TEAD4: variants seen among roughly 807,000 people sequenced by gnomAD.
TEAD4 encodes the protein TEA domain transcription factor 4, also known as transcriptional enhancer factor TEF-3.
In TEAD4, 36 loss-of-function variants were observed where a neutral mutation model predicts 52.4. The ratio of observed to expected loss-of-function variants is 0.69; its 90% CI spans 0.53 to 0.91. The LOEUF is 0.91. Ranked by LOEUF, TEAD4 falls within the 40% of genes least tolerant of loss-of-function variation. The pLI is 0.00. For missense variants in TEAD4, 508 were observed against 583.9 expected (o/e 0.87, Z 1.34); for synonymous variants, 220 against 231.0 (o/e 0.95, Z 0.43).
At chr12:2,968,884 C>G (rs1202071743) in intron 2 of TEAD4, among the ~76,000 whole-genome samples, 2 of 152,096 alleles carry the variant, frequency 1.3e-5, no homozygotes, top group Non-Finnish European at 2.9e-5. Flanking sequence ...TTAAACTCCT[C>G]GCCTCAAGCG....
At chr12:3,037,817 A>C in intron 10 of TEAD4, 151 bp from the exon 11 acceptor site, 1 of 849,882 alleles carries the variant, frequency 1.2e-6, no homozygotes. Context: ...ATGTAGAGGA[A>C]TGTGGAAGCT....
At chr12:2,991,658 T>TC (rs1025390416) in intron 2 of TEAD4, among the ~76,000 whole-genome samples, 1 of 150,820 alleles carries the variant, frequency 6.6e-6, no homozygotes, top group African/African-American at 2.4e-5. Context: ...CAAGACTCCG[T>TC]CCCCCCACAA....
intron 2 of TEAD4, among the ~76,000 whole-genome samples, chr12:2,978,355 C>A (rs997205991): frequency 2.7e-5 from 4 of 150,898 alleles, no homozygotes; most frequent in Non-Finnish European, 4.4e-5. Context: ...AAACGCTGTA[C>A]CCGTTAAACA....
At chr12:2,965,586 CT>C (rs2153952235) in intron 2 of TEAD4, among the ~76,000 whole-genome samples, 1 of 152,190 alleles carries the variant, frequency 6.6e-6, no homozygotes, top group Admixed American at 6.5e-5. Flanking sequence ...GAGTCTCGCT[CT>C]TTCGCCCAGG....
intron 5 of TEAD4, among the ~76,000 whole-genome samples, chr12:3,015,987 G>T (rs1340751230): frequency 6.6e-6 from 1 of 152,028 alleles, no homozygotes; most frequent in Non-Finnish European, 1.5e-5. Context: ...GCCAGCCTGG[G>T]CTAATGAGAT....
Position 3,010,909 on chromosome 12 carries a change from G to A in TEAD4, c.227-95G>A. The A allele has an allele frequency of 4.3e-6, 6 of 1,384,404 alleles. No homozygotes were observed. In the South Asian group the frequency reaches 6.1e-5, roughly 14 times the overall value. The allele number at this position is 1,384,404 out of a possible 1,614,324, so 85.8% of individuals were successfully genotyped here. On this transcript the variant is annotated intron_variant, in intron 3 of 12. Transcript: ENST00000359864. ...TCCGCTTAGGATGGGCAGAGAGTGAGGGCAGGGCTCCTCCGCAGAAGGTAC... is the reference window on the plus strand; with the variant it reads ...TCCGCTTAGGATGGGCAGAGAGTGAAGGCAGGGCTCCTCCGCAGAAGGTAC...
intron 10 of TEAD4, among the ~76,000 whole-genome samples, chr12:3,037,276 C>T (rs1009189690): frequency 9.2e-5 from 14 of 152,242 alleles, no homozygotes; most frequent in African/African-American, 2.6e-4. Context: ...AAGAGATTCC[C>T]GGGGCAGTTA....
chr12:3,022,520 C>T (rs912700455), intron 10 of TEAD4, among the ~76,000 whole-genome samples: 3 of 152,144 alleles, frequency 2.0e-5, no homozygotes, highest in African/African-American at 4.8e-5. Flanking sequence ...TGCCCCAGGG[C>T]GAGGCCACCC....
At chr12:3,033,227 GGT>G (rs2098276940) in intron 10 of TEAD4, among the ~76,000 whole-genome samples, 1 of 152,198 alleles carries the variant, frequency 6.6e-6, no homozygotes, top group South Asian at 2.1e-4. Context: ...AGGGCGCTGT[GGT>G]GGTCATTCAT....
intron 2 of TEAD4, among the ~76,000 whole-genome samples, chr12:2,979,976 G>A (rs1591561330): frequency 6.6e-6 from 1 of 152,156 alleles, no homozygotes; most frequent in Non-Finnish European, 1.5e-5. Flanking sequence ...TGGCAGGGGA[G>A]CCTGTTCCTC....
In TEAD4 at chr12:3,009,804, G is replaced by A. The variant is rs944916256; in HGVS notation, c.227-1200G>A. On this transcript the variant is annotated intron_variant, in intron 3 of 12. Transcript: ENST00000359864. ...CTTCCTCTGACACAGACGAGGCAGT[G>A]GTCCCAGGCCAGCACACCTTTTCTG... Among the ~76,000 whole-genome samples the A allele has an allele frequency of 3.3e-5, 5 of 152,346 alleles. No individual in the cohort carries two copies. In the East Asian group the frequency reaches 5.8e-4, roughly 18 times the overall value.
intron 3 of TEAD4, among the ~76,000 whole-genome samples, chr12:3,001,582 C>T (rs1197850821): frequency 6.6e-6 from 1 of 151,862 alleles, no homozygotes; most frequent in Non-Finnish European, 1.5e-5. Flanking sequence ...CCAGCCTGGC[C>T]AACATGGTGA....
chr12:2,988,102 A>C (rs1316648621), intron 2 of TEAD4, among the ~76,000 whole-genome samples: 1 of 151,972 alleles, frequency 6.6e-6, no homozygotes, highest in Non-Finnish European at 1.5e-5. Context: ...AAAATAAAAA[A>C]TCACAATTTC....
intron 11 of TEAD4, among the ~76,000 whole-genome samples, chr12:3,039,781 G>A (rs1341382905): frequency 2.0e-5 from 3 of 152,146 alleles, no homozygotes; most frequent in African/African-American, 2.4e-5. Flanking sequence ...TCCGCCTCCC[G>A]GGTTCAAGCG....
At chr12:2,972,518 A>G (rs1379601303) in intron 2 of TEAD4, among the ~76,000 whole-genome samples, 4 of 11,482 alleles carry the variant, frequency 3.5e-4, no homozygotes, top group Admixed American at 9.1e-4. Flanking sequence ...TTTTTTTTTG[A>G]GACAGAGTTT....
chr12:3,011,993 T>C (rs3782837), intron 4 of TEAD4, among the ~76,000 whole-genome samples, 177 bp from the exon 5 acceptor site: 30,185 of 152,092 alleles, frequency 0.2, 5,985 homozygotes, highest in African/African-American at 0.5. Context: ...ATACTGCCGG[T>C]TTCTGGATTA....
At chr12:2,982,063 A>G (rs2098234455) in intron 2 of TEAD4, among the ~76,000 whole-genome samples, 1 of 151,580 alleles carries the variant, frequency 6.6e-6, no homozygotes, top group Admixed American at 6.6e-5. Context: ...GACTAGGGAG[A>G]GGACGTCAGG....
At chr12:2,973,470 C>CAA (rs1386657733) in intron 2 of TEAD4, among the ~76,000 whole-genome samples, 1 of 152,154 alleles carries the variant, frequency 6.6e-6, no homozygotes, top group Non-Finnish European at 1.5e-5. Context: ...AAAATCTTCA[C>CAA]AAGATGATGG....
intron 10 of TEAD4, among the ~76,000 whole-genome samples, chr12:3,024,667 A>G (rs969808245): frequency 6.6e-6 from 1 of 152,152 alleles, no homozygotes; most frequent in African/African-American, 2.4e-5. Flanking sequence ...AAACAAAAAA[A>G]CAAAAAACAA....
Sources: allele counts gnomAD v4.1 joint callset (sites outside exome capture counted in the v4.1 genomes callset), GRCh38; gene constraint gnomAD v4.1.1; transcripts MANE v1.5; gene names NCBI Gene and HGNC (gene_info 2026-07-23, HGNC 2026-07-21).